The following B3GALNT1 variants were observed in gnomAD, a reference collection of about 807,000 sequenced individuals.
B3GALNT1 encodes beta-1,3-N-acetylgalactosaminyltransferase 1 (Globoside blood group), also known as UDP-GalNAc:beta-1,3-N-acetylgalactosaminyltransferase 1.
A neutral mutation model predicts 27.3 loss-of-function variants in B3GALNT1; 17 were observed. The ratio of observed to expected loss-of-function variants is 0.62; its 90% confidence interval spans 0.43 to 0.94. The LOEUF is 0.94. Among genes scored for constraint, B3GALNT1 ranks in the 40% least tolerant of loss-of-function variants. The pLI, the probability that B3GALNT1 is intolerant of heterozygous loss-of-function variation, is 0.00. For missense variants in B3GALNT1, 347 were observed against 390.0 expected, an observed-to-expected ratio of 0.89 and a Z score of 0.93; for synonymous variants, 141 against 144.0, an observed-to-expected ratio of 0.98 and a Z score of 0.15.
At position 161,083,989 on chromosome 3, in the gene B3GALNT1, GGTTT is replaced by G. The variant is rs953792244; in HGVS notation, c.*1766_*1769del. On this transcript the variant is annotated 3_prime_UTR_variant, in exon 5 of 5. Transcript: ENST00000320474. ...CTTTTATACAACTGGCAGTGTAGTA[GGTTT>G]GTTTACACCAGCATCTCCACAGACA... 4.6e-5 allele frequency: 7 copies of G among 152,122 alleles called. No homozygotes were observed. Among genetic ancestry groups the G allele is most frequent in the Non-Finnish European group, 7.4e-5 (5 of 68,024 alleles). The allele number at this position is 152,122 out of a possible 1,614,324, so 9.4% of individuals were successfully genotyped here.
chr3:161,086,638 G>A lies in B3GALNT1; in HGVS notation c.117C>T (p.Pro39=). The A allele has an allele frequency of 6.2e-7, 1 of 1,614,108 alleles. No individual in the cohort carries two copies. Among genetic ancestry groups the A allele is most frequent in the African/African-American group, 1.3e-5 (1 of 75,024 alleles). Residue 39 remains proline, a synonymous_variant, in exon 5 of 5, where the codon CCC becomes CCT. Coordinates refer to ENST00000320474, the MANE Select transcript of B3GALNT1 (RefSeq NM_003781.4). ...TCACGCGTTCTATCACATTGTAGTG[G>A]GGAAGGCTGAGGTACCACATCACAA... The part of the protein sequence containing the change: ...SFFVMWYLSL[P]HYNVIERVNW...
At chr3:161,103,894 A>C in intron 2 of B3GALNT1, 1 of 178,894 alleles carries the variant, frequency 5.6e-6, no homozygotes, top group Non-Finnish European at 1.2e-5. Flanking sequence ...CACCCAGCTA[A>C]TTTTGTATAT....
intron 4 of B3GALNT1, among the ~76,000 whole-genome samples, chr3:161,100,657 T>C (rs1480721824): frequency 2.6e-5 from 4 of 152,220 alleles, no homozygotes; most frequent in Non-Finnish European, 4.4e-5. Context: ...CAGAATCTTT[T>C]AGGGATTTCT....
rs1049254103 is a variant in B3GALNT1, at chr3:161,088,214, C to T, written c.-34-1426G>A. On this transcript the variant is annotated intron_variant, in intron 4 of 4. Transcript: ENST00000320474. ...AGGCTCCTTGTCCTCTTCATCTGGTCATCTCTTACCTGCCCTGATTACGTC... is the reference window on the plus strand; with the variant it reads ...AGGCTCCTTGTCCTCTTCATCTGGTTATCTCTTACCTGCCCTGATTACGTC... Among the ~76,000 whole-genome samples the T allele has an allele frequency of 8.5e-5, 13 of 152,294 alleles. No homozygotes were observed. In the South Asian group the frequency reaches 1.9e-3, roughly 22 times the overall value.
chr3:161,095,730 G>T (rs1727795158), intron 4 of B3GALNT1, among the ~76,000 whole-genome samples: 1 of 152,262 alleles, frequency 6.6e-6, no homozygotes, highest in Non-Finnish European at 1.5e-5. Flanking sequence ...GCTGGGGGCA[G>T]CAGGAGCAGG....
rs982715402 is a variant in B3GALNT1, at chr3:161,085,606, G to C, written c.*153C>G. ...AGGGCCTGACTAATAAATCACAAGTGTAACCCTCCAGTCTCCAGTCTGGGT... is the reference window on the plus strand; with the variant it reads ...AGGGCCTGACTAATAAATCACAAGTCTAACCCTCCAGTCTCCAGTCTGGGT... On this transcript the variant is annotated 3_prime_UTR_variant, in exon 5 of 5. Transcript: ENST00000320474. The C allele has an allele frequency of 1.3e-6, 1 of 750,168 alleles. No homozygotes were observed. Among genetic ancestry groups the C allele is most frequent in the Non-Finnish European group, 2.3e-6 (1 of 437,522 alleles). 46.5% of individuals were successfully genotyped at this position (750,168 alleles called of 1,614,324 possible).
At chr3:161,093,416 A>G (rs1243199902) in intron 4 of B3GALNT1, among the ~76,000 whole-genome samples, 1 of 152,214 alleles carries the variant, frequency 6.6e-6, no homozygotes, top group Non-Finnish European at 1.5e-5. Context: ...ATAGAAATCA[A>G]ACTGGCCAGA....
intron 4 of B3GALNT1, among the ~76,000 whole-genome samples, chr3:161,091,233 C>G (rs923401378): frequency 9.9e-5 from 15 of 151,830 alleles, no homozygotes; most frequent in African/African-American, 3.6e-4. Flanking sequence ...TGTGCCACTG[C>G]ACTGTAGCCT....
chr3:161,104,372 T>C lies in B3GALNT1; in HGVS notation c.-274A>G. 1.6e-6 allele frequency: 2 copies of C among 1,289,416 alleles called. No individual in the cohort carries two copies. The highest frequency in any genetic ancestry group is 2.0e-6 in the Non-Finnish European group (2 of 988,774). 79.9% of individuals were successfully genotyped at this position (1,289,416 alleles called of 1,614,324 possible). ...TGGCAATTTCTTCCTTGATAGCTTT[T>C]CCCACAACGCAGCCACCTCCTAAAC... On this transcript the variant is annotated 5_prime_UTR_variant, in exon 2 of 5. Coordinates refer to ENST00000320474, the MANE Select transcript of B3GALNT1 (RefSeq NM_003781.4).
chr3:161,098,582 G>A (rs1411949944), intron 4 of B3GALNT1, among the ~76,000 whole-genome samples: 1 of 152,180 alleles, frequency 6.6e-6, no homozygotes, highest in African/African-American at 2.4e-5. Flanking sequence ...GCATACTGGT[G>A]CATGCCTGTA....
rs1733073699 is a variant in B3GALNT1 at position 161,104,256 on chromosome 3, C to A, written c.-221+63G>T. On this transcript the variant is annotated intron_variant, in intron 2 of 4. Coordinates refer to ENST00000320474, the MANE Select transcript of B3GALNT1 (RefSeq NM_003781.4). ...ATTCAGCGCCCTTCTTTTGCTTAAG[C>A]CTCCTGGGAGAAGCTAAAAAACTTG... is the stretch of plus-strand genomic sequence containing the variant. The A allele has an allele frequency of 4.0e-6, 5 of 1,238,866 alleles. No individual in the cohort carries two copies. The South Asian group carries it at 6.4e-5, about 16-fold the overall frequency. 76.7% of individuals were successfully genotyped at this position (1,238,866 alleles called of 1,614,324 possible).
At chr3:161,103,063 A>G (rs940086059) in intron 3 of B3GALNT1, 1 of 152,220 alleles carries the variant, frequency 6.6e-6, no homozygotes, top group Admixed American at 6.5e-5. Flanking sequence ...TAATAATTCA[A>G]TTTTTTAGAA....
chr3:161,097,329 G>A (rs1023415321), intron 4 of B3GALNT1, among the ~76,000 whole-genome samples: 9 of 152,160 alleles, frequency 5.9e-5, no homozygotes, highest in Non-Finnish European at 1.2e-4. Context: ...GTTATTATTA[G>A]AGTCCACACT....
In B3GALNT1 at chr3:161,105,238, C is replaced by CTG. The variant is rs1733747741; in HGVS notation, c.-314_-313dup. 6.6e-6 allele frequency: 1 copy of CTG among 152,370 alleles called. No homozygotes were observed. The highest frequency in any genetic ancestry group is 2.4e-5 in the African/African-American group (1 of 41,466). 9.4% of individuals were successfully genotyped at this position (152,370 alleles called of 1,614,324 possible). ...CAGGGCCGCCCTTCTCACTCACCTC[C>CTG]TGTGCTCGGCGCGCACCCAGCTCGG... On this transcript the variant is annotated 5_prime_UTR_variant, in exon 1 of 5. The change abolishes the stop of an existing upstream ORF in the 5' untranslated region. Transcript: ENST00000320474.
chr3:161,086,296 A>AT lies in B3GALNT1; in HGVS notation c.458dup (p.Asn153LysfsTer2), dbSNP rs1344405796. ...CCATAATGGTTTTCAAGGTCAGGTT[A>AT]TTATATGTGTCTAAAAAATCTTGTC... On this transcript the variant is annotated frameshift_variant, in exon 5 of 5. Transcript: ENST00000320474. LOFTEE classifies it high-confidence loss of function. 1 of 1,614,194 alleles carries AT rather than the reference A, an allele frequency of 6.2e-7. No individual in the cohort carries two copies. Among genetic ancestry groups the AT allele is most frequent in the African/African-American group, 1.3e-5 (1 of 75,060 alleles).
intron 4 of B3GALNT1, among the ~76,000 whole-genome samples, chr3:161,088,137 T>C (rs1723003746): frequency 6.6e-6 from 1 of 152,164 alleles, no homozygotes; most frequent in Non-Finnish European, 1.5e-5. Flanking sequence ...TTAGGGTCTC[T>C]GGACATACAG....
chr3:161,094,201 C>T (rs1276521731), intron 4 of B3GALNT1, among the ~76,000 whole-genome samples: 1 of 152,116 alleles, frequency 6.6e-6, no homozygotes, highest in African/African-American at 2.4e-5. Context: ...CTCTTCTGAC[C>T]AGAGCTGCTT....
At chr3:161,102,936 A>T (rs1230728778) in intron 3 of B3GALNT1, among the ~76,000 whole-genome samples, 1 of 152,202 alleles carries the variant, frequency 6.6e-6, no homozygotes, top group Non-Finnish European at 1.5e-5. Context: ...GAGAAAAAGT[A>T]CTCAATGGAG....
chr3:161,088,459 C>G (rs1723212693), intron 4 of B3GALNT1, among the ~76,000 whole-genome samples: 1 of 152,170 alleles, frequency 6.6e-6, no homozygotes, highest in African/African-American at 2.4e-5. Context: ...GACACTGAGG[C>G]TTGATATGCT....
Sources: gnomAD v4.1 joint callset for allele counts (sites outside exome capture counted in the v4.1 genomes callset) on GRCh38, gnomAD v4.1.1 for gene constraint, MANE v1.5 for transcripts, NCBI Gene and HGNC (gene_info 2026-07-23, HGNC 2026-07-21) for gene names.